Variants in VOPP1 observed in about 807,000 individuals in gnomAD.
VOPP1 encodes the protein WW domain binding protein VOPP1.
VOPP1 carries 8 observed loss-of-function variants against 23.5 expected under a neutral mutation model. That is an observed-to-expected ratio of 0.34 (90% confidence interval 0.20 to 0.61). The LOEUF (loss-of-function observed/expected upper bound fraction) is 0.61, where lower values mean the gene tolerates loss of function less well. VOPP1 is among the 20% of genes least tolerant of loss of function. VOPP1 has a pLI of 0.78. For synonymous variants in VOPP1, 83 were observed against 97.3 expected, an observed-to-expected ratio of 0.85 and a Z score of 0.86; for missense variants, 174 against 238.1, an observed-to-expected ratio of 0.73 and a Z score of 1.77.
chr7:55,480,302 T>C (rs576054102), intron 4 of VOPP1, among the ~76,000 whole-genome samples: 6 of 152,254 alleles, frequency 3.9e-5, no homozygotes, highest in Admixed American at 1.3e-4. Flanking sequence ...ATTTTCAATG[T>C]CTTTACGCAC....
At chr7:55,480,300 T>C (rs535567440) in intron 4 of VOPP1, among the ~76,000 whole-genome samples, 1 of 152,366 alleles carries the variant, frequency 6.6e-6, no homozygotes, top group South Asian at 2.1e-4. Context: ...AAATTTTCAA[T>C]GTCTTTACGC....
intron 4 of VOPP1, among the ~76,000 whole-genome samples, chr7:55,462,331 G>A (rs1021327273): frequency 6.6e-6 from 1 of 152,168 alleles, no homozygotes; most frequent in Non-Finnish European, 1.5e-5. Flanking sequence ...ATACCTTGGG[G>A]AAGACTTTTT....
rs543480878 is a variant in VOPP1, at chr7:55,463,416, G to C, written n.418-27242C>G. On this transcript the variant is annotated intron_variant and non_coding_transcript_variant, in intron 4 of 4. Transcript: ENST00000462326. Reference sequence around the variant, plus strand: ...AACTGTCTCTTCTTTCAATTTTATGGATTGGCTTTCATAGGAAAAGACTTT... The same window carrying C: ...AACTGTCTCTTCTTTCAATTTTATGCATTGGCTTTCATAGGAAAAGACTTT... 2.6e-5 allele frequency among the ~76,000 whole-genome samples: 4 copies of C among 152,210 alleles called. No individual in the cohort carries two copies. The East Asian group carries it at 5.8e-4, about 22-fold the overall frequency.
intron 4 of VOPP1, among the ~76,000 whole-genome samples, chr7:55,445,874 G>A (rs1398424714): frequency 6.6e-6 from 1 of 152,158 alleles, no homozygotes; most frequent in Non-Finnish European, 1.5e-5. Context: ...CTCATTTCAA[G>A]TGCCCAGTGT....
rs1002662770 is a variant in VOPP1, at chr7:55,470,939, G to A, written c.*1916C>T. 6.6e-6 allele frequency: 1 copy of A among 152,196 alleles called. No homozygotes were observed. The highest frequency in any genetic ancestry group is 6.6e-5 in the Admixed American group (1 of 15,252). The allele number at this position is 152,196 out of a possible 1,614,324, so 9.4% of individuals were successfully genotyped here. A position where few individuals can be genotyped will look rare whatever the true frequency, so the allele number is the denominator to read the frequency against. ...ACAAACTCTGTCTCACACAAACATG[G>A]GAATACAAAATTGTTGAGCCCTAGC... is the stretch of plus-strand genomic sequence containing the variant. On this transcript the variant is annotated 3_prime_UTR_variant, in exon 5 of 5. Coordinates refer to ENST00000285279, the MANE Select transcript of VOPP1 (RefSeq NM_030796.5).
intron 1 of VOPP1, chr7:55,537,408 C>T (rs1353086081): frequency 1.3e-6 from 2 of 1,506,440 alleles, no homozygotes; most frequent in Non-Finnish European, 1.8e-6. Context: ...GGAGGTAACA[C>T]ATAACTGCCC....
At position 55,552,712 on chromosome 7, in the gene VOPP1, G is replaced by A. The variant is rs142516813; in HGVS notation, c.54+19559C>T. ...CAGGTCCTGGAGCCCCAGCCCCTCC[G>A]AAGGCAGGAGTCTGGTCGCCAGGTT... On this transcript the variant is annotated intron_variant, in intron 1 of 4. Coordinates refer to ENST00000285279, the MANE Select transcript of VOPP1 (RefSeq NM_030796.5). 9.8e-4 allele frequency: 1,503 copies of A among 1,535,730 alleles called. 18 individuals are homozygous for A. In the Admixed American group the frequency reaches 0.016, roughly 16 times the overall value.
At chr7:55,441,698 G>A (rs1790968946) in intron 4 of VOPP1, among the ~76,000 whole-genome samples, 1 of 152,174 alleles carries the variant, frequency 6.6e-6, no homozygotes, top group Non-Finnish European at 1.5e-5. Flanking sequence ...CCCCATCAGA[G>A]AGCAGTAGCG....
chr7:55,452,029 G>A (rs1791258381), intron 4 of VOPP1, among the ~76,000 whole-genome samples: 1 of 152,196 alleles, frequency 6.6e-6, no homozygotes, highest in Non-Finnish European at 1.5e-5. Flanking sequence ...ATGCGACGCT[G>A]TTTGACAGAA....
chr7:55,514,361 G>C (rs1371897238), intron 2 of VOPP1, among the ~76,000 whole-genome samples: 1 of 152,204 alleles, frequency 6.6e-6, no homozygotes, highest in Admixed American at 6.5e-5. Flanking sequence ...AGGAAACGGG[G>C]GCCCAGAGAG....
intron 1 of VOPP1, chr7:55,537,679 A>T: frequency 6.8e-7 from 1 of 1,474,074 alleles, no homozygotes; most frequent in Non-Finnish European, 9.0e-7. Context: ...TCCTCTGTTG[A>T]GTGGTGAGAA....
At chr7:55,485,957 A>G (rs955046639) in intron 4 of VOPP1, among the ~76,000 whole-genome samples, 1 of 152,236 alleles carries the variant, frequency 6.6e-6, no homozygotes, top group African/African-American at 2.4e-5. Flanking sequence ...GGGGAGAGGA[A>G]TGCAGCCAGC....
chr7:55,571,995 G>T, intron 1 of VOPP1: 1 of 387,410 alleles, frequency 2.6e-6, no homozygotes, highest in South Asian at 4.1e-5. Flanking sequence ...CCGAGCTAAC[G>T]GAGGCGGTCG....
At chr7:55,533,399 T>C (rs560829751) in intron 1 of VOPP1, among the ~76,000 whole-genome samples, 10 of 152,168 alleles carry the variant, frequency 6.6e-5, no homozygotes, top group Non-Finnish European at 1.2e-4. Context: ...CCATCACTTA[T>C]AAATATTTCT....
chr7:55,534,763 C>A (rs1221924376), intron 1 of VOPP1, among the ~76,000 whole-genome samples: 1 of 152,232 alleles, frequency 6.6e-6, no homozygotes, highest in African/African-American at 2.4e-5. Flanking sequence ...GAACCTCACA[C>A]CAGACATCCC....
intron 4 of VOPP1, among the ~76,000 whole-genome samples, chr7:55,440,751 T>C (rs1248701690): frequency 6.6e-6 from 1 of 152,168 alleles, no homozygotes; most frequent in Admixed American, 6.5e-5. Context: ...GCTGCCCCCA[T>C]AGCCTGCTGG....
intron 2 of VOPP1, among the ~76,000 whole-genome samples, chr7:55,519,041 T>C (rs1310846524): frequency 2.0e-5 from 3 of 152,140 alleles, no homozygotes; most frequent in Non-Finnish European, 4.4e-5. Flanking sequence ...CCTGGCATCA[T>C]GAGATCCGAA....
chr7:55,462,153 A>G (rs943103873), intron 4 of VOPP1, among the ~76,000 whole-genome samples: 3 of 152,110 alleles, frequency 2.0e-5, no homozygotes, highest in African/African-American at 7.2e-5. Context: ...AGCACTTTTA[A>G]TGTATTATCA....
At chr7:55,483,408 G>T (rs1054421677) in intron 4 of VOPP1, among the ~76,000 whole-genome samples, 1 of 152,074 alleles carries the variant, frequency 6.6e-6, no homozygotes. Flanking sequence ...ATTACAGAGG[G>T]GGAATCTGAG....
Sources: allele counts gnomAD v4.1 joint callset (sites outside exome capture counted in the v4.1 genomes callset), GRCh38; gene constraint gnomAD v4.1.1; transcripts MANE v1.5; gene names NCBI Gene and HGNC (gene_info 2026-07-23, HGNC 2026-07-21).